Variants in IQSEC3 observed in about 807,000 individuals in gnomAD.
The protein encoded by IQSEC3 is IQ motif and SEC7 domain-containing protein 3.
IQSEC3 carries 50 observed loss-of-function variants against 105.4 expected under a neutral mutation model. The observed-to-expected ratio is 0.47, with a 90% CI of 0.38 to 0.60. The LOEUF (loss-of-function observed/expected upper bound fraction) is 0.60, where lower values mean the gene tolerates loss of function less well. IQSEC3 is among the 20% of genes least tolerant of loss of function. The pLI, the probability that IQSEC3 is intolerant of heterozygous loss-of-function variation, is 0.00. For synonymous variants in IQSEC3, 708 were observed against 746.0 expected (o/e 0.95, Z 0.83); for missense variants, 1,415 against 1,630.0 (o/e 0.87, Z 2.27).
rs375683216 is a variant in IQSEC3, at chr12:174,667, G to A, written c.3183G>A (p.Pro1061=). The A allele has an allele frequency of 3.4e-4, 543 of 1,589,440 alleles. 8 individuals carry two copies. In the South Asian group the frequency reaches 4.5e-3, roughly 13 times the overall value. Residue 1061 remains proline, a synonymous_variant, in exon 14 of 14, where the codon CCG becomes CCA. Coordinates refer to ENST00000538872, the MANE Select transcript of IQSEC3 (RefSeq NM_001170738.2). ...NSGLGAERGA[P]VPPPDLQPSP... The stretch of plus-strand genomic sequence containing the variant: ...GGCTGGGGGCCGAGAGGGGAGCGCC[G>A]GTGCCGCCGCCAGACCTGCAGCCTA...
chr12:122,906 C>A lies in IQSEC3; in HGVS notation c.624-2727C>A, dbSNP rs552201155. The stretch of plus-strand genomic sequence containing the variant: ...TGAAAACCTTTTAGGGTAGAGAGAT[C>A]CTGGGCATCAGTGCCAAGGACAATC... On this transcript the variant is annotated intron_variant, in intron 2 of 13. Coordinates refer to ENST00000538872, the MANE Select transcript of IQSEC3 (RefSeq NM_001170738.2). Among the ~76,000 whole-genome samples, 48 of 152,246 alleles carry A rather than the reference C, an allele frequency of 3.2e-4. No individual in the cohort carries two copies. In the South Asian group the frequency reaches 1.0e-2, roughly 32 times the overall value.
intron 13 of IQSEC3, among the ~76,000 whole-genome samples, chr12:173,411 A>T (rs922864171): frequency 6.6e-6 from 1 of 152,184 alleles, no homozygotes; most frequent in African/African-American, 2.4e-5. Context: ...GGGAGTGCAC[A>T]GGTCCGGGAA....
At chr12:162,403 C>T (rs1866933582) in intron 8 of IQSEC3, among the ~76,000 whole-genome samples, 1 of 152,064 alleles carries the variant, frequency 6.6e-6, no homozygotes, top group Non-Finnish European at 1.5e-5. Flanking sequence ...CCTGGATGGT[C>T]CTGATGAGTG....
chr12:97,217 C>A lies in IQSEC3; in HGVS notation c.555-1929C>A, dbSNP rs200464243. Reference sequence around the variant, plus strand: ...TTTTTCTGCTGGGTTTGTCTTTGCACCATGAATGTGCTGGAGCTCAGTGCA... The same window carrying A: ...TTTTTCTGCTGGGTTTGTCTTTGCAACATGAATGTGCTGGAGCTCAGTGCA... On this transcript the variant is annotated intron_variant, in intron 1 of 13. Coordinates refer to ENST00000538872, the MANE Select transcript of IQSEC3 (RefSeq NM_001170738.2). Among the ~76,000 whole-genome samples the A allele has an allele frequency of 6.6e-5, 10 of 152,284 alleles. No individual in the cohort carries two copies. The East Asian group carries it at 1.9e-3, about 29-fold the overall frequency.
intron 6 of IQSEC3, 42 bp downstream of exon 6, chr12:157,189 G>C: frequency 6.7e-7 from 1 of 1,492,178 alleles, no homozygotes; most frequent in Non-Finnish European, 8.9e-7. Flanking sequence ...AGACCCCAGC[G>C]TGGGGAAGCC....
At chr12:154,728 C>T (rs1270753807) in intron 5 of IQSEC3, among the ~76,000 whole-genome samples, 1 of 152,194 alleles carries the variant, frequency 6.6e-6, no homozygotes, top group East Asian at 1.9e-4. Flanking sequence ...TCTTCCCCTC[C>T]TGTCCCTTCC....
At chr12:161,415 T>C (rs1555096172) in intron 7 of IQSEC3, among the ~76,000 whole-genome samples, 2 of 152,010 alleles carry the variant, frequency 1.3e-5, no homozygotes, top group East Asian at 3.9e-4. Flanking sequence ...CCCCCACTGC[T>C]CCCAGTGAGG....
chr12:174,948 C>T lies in IQSEC3; in HGVS notation c.3464C>T (p.Pro1155Leu), dbSNP rs760865332. 2 of 1,555,428 alleles carry T rather than the reference C, an allele frequency of 1.3e-6. No homozygotes were observed. The highest frequency in any genetic ancestry group is 8.6e-7 in the Non-Finnish European group (1 of 1,159,016). ...CCTCCGCTGCCCCCGCCCCCACCCCCCTACAACCACCCTCACCAGTTCTGT... is the reference window on the plus strand; with the variant it reads ...CCTCCGCTGCCCCCGCCCCCACCCCTCTACAACCACCCTCACCAGTTCTGT... ...HQPPLPPPPP[P>L]YNHPHQFCPP... The change falls in exon 14 of 14, where the codon CCC (proline) becomes CTC (leucine). Residue 1155 changes from proline (P) to leucine (L), a missense_variant. Physicochemically the swap from Pro to Leu is moderately conservative, Grantham distance 98. Transcript: ENST00000538872.
At chr12:116,150 G>A (rs1027122316) in intron 2 of IQSEC3, among the ~76,000 whole-genome samples, 3 of 152,182 alleles carry the variant, frequency 2.0e-5, no homozygotes, top group South Asian at 2.1e-4. Flanking sequence ...TTAGCCCTTC[G>A]TTCTTGGGAC....
At chr12:88,501 G>A (rs1555072629) in intron 1 of IQSEC3, among the ~76,000 whole-genome samples, 1 of 152,200 alleles carries the variant, frequency 6.6e-6, no homozygotes, top group Non-Finnish European at 1.5e-5. Flanking sequence ...CCAAAGAAAA[G>A]TGAGCAGAGA....
In IQSEC3 at chr12:125,774, A is replaced by G. The variant is rs1865371429; in HGVS notation, c.765A>G (p.Ala255=). 2 of 1,513,692 alleles carry G rather than the reference A, an allele frequency of 1.3e-6. No individual in the cohort carries two copies. Among genetic ancestry groups the G allele is most frequent in the Non-Finnish European group, 1.8e-6 (2 of 1,137,684 alleles). The allele number at this position is 1,513,692 out of a possible 1,614,324, so 93.8% of individuals were successfully genotyped here. ...ELQEEEERPG[A]GAASPRAGPQ... Reference sequence around the variant, plus strand: ...AGGAGGAGGAGGAGCGGCCGGGGGCAGGGGCTGCCTCCCCAAGGGCTGGCC... The same window carrying G: ...AGGAGGAGGAGGAGCGGCCGGGGGCGGGGGCTGCCTCCCCAAGGGCTGGCC... The change falls in exon 3 of 14, where the codon GCA becomes GCG. Residue 255 remains alanine (A), a synonymous_variant. Transcript: ENST00000538872.
In IQSEC3 at chr12:169,101, G is replaced by A. The variant is rs142177613; in HGVS notation, c.3060G>A (p.Pro1020=). The change falls in exon 12 of 14, where the codon CCG becomes CCA. Residue 1020 remains proline (P), a synonymous_variant. Coordinates refer to ENST00000538872, the MANE Select transcript of IQSEC3 (RefSeq NM_001170738.2). The part of the protein sequence containing the change: ...QGDPQSKQGS[P]TAKREAALRE... Reference sequence around the variant, plus strand: ...ACCCACAGTCAAAGCAAGGATCGCCGACAGGTGAGCCTCGGCTCCGCTCAG... The same window carrying A: ...ACCCACAGTCAAAGCAAGGATCGCCAACAGGTGAGCCTCGGCTCCGCTCAG... The A allele has an allele frequency of 3.0e-4, 480 of 1,613,680 alleles. 1 individual carries two copies. Among genetic ancestry groups the A allele is most frequent in the Admixed American group, 4.5e-4 (27 of 60,024 alleles).
At chr12:81,123 T>G (rs979960923) in intron 1 of IQSEC3, among the ~76,000 whole-genome samples, 2 of 152,156 alleles carry the variant, frequency 1.3e-5, no homozygotes, top group Admixed American at 1.3e-4. Flanking sequence ...CAAATGCTGA[T>G]GGGGCTTGGA....
At chr12:155,139 G>A (rs17833135) in intron 5 of IQSEC3, among the ~76,000 whole-genome samples, 14,539 of 152,274 alleles carry the variant, frequency 0.095, 861 homozygotes, top group East Asian at 0.22. Flanking sequence ...TGGCACTCAC[G>A]TAGGGCTGCA....
chr12:170,001 C>A (rs992013232), intron 12 of IQSEC3, among the ~76,000 whole-genome samples: 22 of 152,248 alleles, frequency 1.4e-4, no homozygotes, highest in Non-Finnish European at 2.4e-4. Flanking sequence ...TGGTCCATGA[C>A]CCGCCACAGT....
intron 3 of IQSEC3, among the ~76,000 whole-genome samples, chr12:137,921 C>T (rs1555086905): frequency 6.6e-6 from 1 of 151,994 alleles, no homozygotes; most frequent in Non-Finnish European, 1.5e-5. Flanking sequence ...TCCTTAGCCT[C>T]CCAAGATGCT....
At chr12:133,219 A>T (rs1555085560) in intron 3 of IQSEC3, among the ~76,000 whole-genome samples, 1 of 152,206 alleles carries the variant, frequency 6.6e-6, no homozygotes, top group Non-Finnish European at 1.5e-5. Context: ...ATTATCACCC[A>T]TCACGGGCTC....
chr12:103,390 A>G lies in IQSEC3; in HGVS notation c.623+4176A>G, dbSNP rs376600066. Among the ~76,000 whole-genome samples the G allele has an allele frequency of 5.1e-4, 56 of 110,828 alleles. No homozygotes were observed. The East Asian group carries it at 0.01, about 20-fold the overall frequency. 72.7% of individuals were successfully genotyped at this position (110,828 alleles called of 152,430 possible). ...GAGGTGGAGTTCAGGATGGGGAGGC[A>G]GGGCTCAGAAGACGAAGTGGGGCTC... On this transcript the variant is annotated intron_variant, in intron 2 of 13. Coordinates refer to ENST00000538872, the MANE Select transcript of IQSEC3 (RefSeq NM_001170738.2).
chr12:83,403 G>A (rs1863812642), intron 1 of IQSEC3, among the ~76,000 whole-genome samples: 2 of 152,016 alleles, frequency 1.3e-5, no homozygotes, highest in African/African-American at 2.4e-5. Flanking sequence ...AAATTCCCAA[G>A]GACTAGAAGA....
Sources: allele counts gnomAD v4.1 joint callset (sites outside exome capture counted in the v4.1 genomes callset), GRCh38; gene constraint gnomAD v4.1.1; transcripts MANE v1.5; gene names NCBI Gene and HGNC (gene_info 2026-07-23, HGNC 2026-07-21).